SUZ12: variants seen among roughly 807,000 people sequenced by gnomAD.
The protein encoded by SUZ12 is SUZ12 polycomb repressive complex 2 subunit, also known as polycomb protein SUZ12.
Under a neutral mutation model 87.3 loss-of-function variants are expected in SUZ12, and 17 were observed. That is an observed-to-expected ratio of 0.19 (90% confidence interval 0.13 to 0.29). SUZ12 has a LOEUF of 0.29. Ranked by LOEUF, SUZ12 falls within the 10% of genes least tolerant of loss-of-function variation. SUZ12 has a pLI of 1.00. For missense variants in SUZ12, 526 were observed against 912.2 expected (o/e 0.58, Z 5.45); for synonymous variants, 253 against 312.4 (o/e 0.81, Z 2.01).
At chr17:31,965,155 A>AT (rs544181942) in intron 4 of SUZ12, among the ~76,000 whole-genome samples, 1,786 of 151,676 alleles carry the variant, frequency 0.012, 26 homozygotes, top group African/African-American at 0.035. Flanking sequence ...TTAAAAAAAA[A>AT]ATATATATAT....
chr17:31,981,938 C>T (rs1461587461), intron 8 of SUZ12, among the ~76,000 whole-genome samples: 3 of 152,160 alleles, frequency 2.0e-5, no homozygotes, highest in African/African-American at 7.2e-5. Flanking sequence ...TAAATGTCAG[C>T]TGTTTTTACC....
Position 31,998,906 on chromosome 17 carries a change from C to G in SUZ12, c.2123C>G (p.Thr708Arg). The G allele has an allele frequency of 4.3e-6, 7 of 1,613,494 alleles. No individual in the cohort carries two copies. The highest frequency in any genetic ancestry group is 5.9e-6 in the Non-Finnish European group (7 of 1,179,898). The change falls in exon 16 of 16, where the codon ACA becomes AGA. Residue 708 changes from threonine (T) to arginine (R), a missense_variant. This residue lies in a region of SUZ12 where 56 missense variants were observed against 56.6 expected (regional missense o/e 0.99). Coordinates refer to ENST00000322652, the MANE Select transcript of SUZ12 (RefSeq NM_015355.4). ...NEEITEEQNG[T>R]ANGFSEINSK... is the part of the protein sequence containing the mutation. ...GAAATAACTGAAGAACAAAATGGGA[C>G]AGCAAATGGATTTAGTGAAATTAAC...
intron 6 of SUZ12, 62 bp from the exon 7 acceptor site, chr17:31,975,420 T>G: frequency 2.5e-6 from 3 of 1,186,234 alleles, no homozygotes; most frequent in Non-Finnish European, 3.5e-6. Context: ...ATTAGAAGTT[T>G]TATTATAATT....
chr17:31,993,821 A>T, intron 11 of SUZ12, 44 bp from the exon 12 acceptor site: 2 of 1,547,856 alleles, frequency 1.3e-6, no homozygotes, highest in East Asian at 2.3e-5. Flanking sequence ...ATATCTTGTT[A>T]TGCGTAAATT....
chr17:31,956,693 A>G (rs1907359784), intron 4 of SUZ12, among the ~76,000 whole-genome samples: 1 of 152,104 alleles, frequency 6.6e-6, no homozygotes, highest in African/African-American at 2.4e-5. Context: ...GTATTGTGGT[A>G]TGTAAAAAAG....
chr17:31,943,990 C>G (rs1906463974), intron 3 of SUZ12, among the ~76,000 whole-genome samples: 1 of 152,084 alleles, frequency 6.6e-6, no homozygotes, highest in Admixed American at 6.6e-5. Context: ...GCCACCGTGC[C>G]TGGCCATCAA....
intron 5 of SUZ12, among the ~76,000 whole-genome samples, chr17:31,971,611 G>C (rs1019077652): frequency 1.3e-5 from 2 of 151,664 alleles, no homozygotes; most frequent in African/African-American, 4.8e-5. Flanking sequence ...TGTATTTTTA[G>C]TAGAGACGGG....
intron 4 of SUZ12, among the ~76,000 whole-genome samples, chr17:31,950,782 GTTC>G (rs911831370): frequency 4.6e-5 from 7 of 151,976 alleles, no homozygotes; most frequent in South Asian, 4.2e-4. Flanking sequence ...CTCCATTTAT[GTTC>G]TTTTTTTTTT....
At chr17:31,945,387 CTAGAAG>C (rs1033823263) in intron 3 of SUZ12, among the ~76,000 whole-genome samples, 3 of 152,126 alleles carry the variant, frequency 2.0e-5, no homozygotes, top group Admixed American at 6.5e-5. Flanking sequence ...TTTACTCTTT[CTAGAAG>C]TATTCAACTT....
At chr17:31,998,270 G>T (rs1484465864) in intron 15 of SUZ12, among the ~76,000 whole-genome samples, 1 of 151,930 alleles carries the variant, frequency 6.6e-6, no homozygotes, top group Non-Finnish European at 1.5e-5. Context: ...TAGTAGAGAC[G>T]GGGTTTCACA....
At chr17:31,981,072 A>G (rs1909075759) in intron 8 of SUZ12, among the ~76,000 whole-genome samples, 1 of 152,178 alleles carries the variant, frequency 6.6e-6, no homozygotes. Flanking sequence ...AATAATAACC[A>G]ATATTCAAAA....
At chr17:31,943,187 G>C (rs1253342285) in intron 3 of SUZ12, among the ~76,000 whole-genome samples, 1 of 152,180 alleles carries the variant, frequency 6.6e-6, no homozygotes, top group Non-Finnish European at 1.5e-5. Context: ...TTAGGTTACA[G>C]AATTAGTTTT....
Position 31,975,553 on chromosome 17 carries a change from A to G in SUZ12, c.663A>G (p.Gln221=). 1 of 1,613,942 alleles carries G rather than the reference A, an allele frequency of 6.2e-7. No homozygotes were observed. Among genetic ancestry groups the G allele is most frequent in the South Asian group, 1.1e-5 (1 of 91,076 alleles). The change falls in exon 7 of 16, where the codon CAA becomes CAG. Residue 221 remains glutamine, a synonymous_variant. Transcript: ENST00000322652. ...TGCCTTTGAATCCTGACCTCAATCA[A>G]ACAAAACCCGGAAATTTCCCGTCCC... ...KQVPLNPDLN[Q]TKPGNFPSLA...
intron 1 of SUZ12, among the ~76,000 whole-genome samples, 167 bp downstream of exon 1, chr17:31,937,687 A>G (rs1434142250): frequency 1.5e-5 from 2 of 136,760 alleles, no homozygotes; most frequent in Non-Finnish European, 3.1e-5. Context: ...GGGGATCCGG[A>G]GTCCAGGGCC....
chr17:31,999,792 T>A lies in SUZ12; in HGVS notation c.*789T>A, dbSNP rs553685000. 1 of 232,582 alleles carries A rather than the reference T, an allele frequency of 4.3e-6. No individual in the cohort carries two copies. Among genetic ancestry groups the A allele is most frequent in the African/African-American group, 2.2e-5 (1 of 45,432 alleles). The allele number at this position is 232,582 out of a possible 1,614,324, so 14.4% of individuals were successfully genotyped here. On this transcript the variant is annotated 3_prime_UTR_variant, in exon 16 of 16. Transcript: ENST00000322652. ...TTTTGCTTGTTTTGTTTTTCTTTTT[T>A]AATTAGATAATCACACGGAAAATTA... is the stretch of plus-strand genomic sequence containing the variant.
intron 4 of SUZ12, among the ~76,000 whole-genome samples, chr17:31,949,705 T>TTTTTTTTG (rs1367680305): frequency 2.1e-4 from 20 of 96,520 alleles, no homozygotes; most frequent in African/African-American, 8.2e-4. Context: ...TTTTTTTTTT[T>TTTTTTTTG]GAGACCAAGT....
intron 6 of SUZ12, 106 bp downstream of exon 6, chr17:31,973,337 A>T: frequency 9.3e-7 from 1 of 1,078,744 alleles, no homozygotes; most frequent in Non-Finnish European, 1.3e-6. Context: ...AAATTTTGAA[A>T]GCTTAAGAAA....
At chr17:31,970,770 C>A (rs760115316) in intron 5 of SUZ12, among the ~76,000 whole-genome samples, 3 of 151,536 alleles carry the variant, frequency 2.0e-5, no homozygotes, top group Non-Finnish European at 2.9e-5. Flanking sequence ...CCATTGCACT[C>A]TAGCCTGGGC....
intron 3 of SUZ12, among the ~76,000 whole-genome samples, chr17:31,941,652 A>C: frequency 6.8e-6 from 1 of 146,416 alleles, no homozygotes; most frequent in South Asian, 2.2e-4. Context: ...CAGATTCAAG[A>C]GATTCTCCTC....
Sources: allele counts gnomAD v4.1 joint callset (sites outside exome capture counted in the v4.1 genomes callset), GRCh38; gene constraint gnomAD v4.1.1; regional missense constraint gnomAD v4.1.1; transcripts MANE v1.5; gene names NCBI Gene and HGNC (gene_info 2026-07-23, HGNC 2026-07-21).